ROBO2: variants seen among roughly 807,000 people sequenced by gnomAD.
ROBO2 encodes roundabout guidance receptor 2, also known as roundabout homolog 2.
Under a neutral mutation model 160.8 loss-of-function variants are expected in ROBO2, and 53 were observed. The observed-to-expected ratio is 0.33, with a 90% CI of 0.26 to 0.41. ROBO2 has a LOEUF of 0.41. Ranked by LOEUF, ROBO2 falls within the 10% of genes least tolerant of loss-of-function variation. The probability of loss-of-function intolerance (pLI) is 1.00; values close to 1 mark genes in which losing one functional copy is unlikely to be tolerated. For synonymous variants in ROBO2, 664 were observed against 611.7 expected (o/e 1.09, Z -1.26); for missense variants, 1,577 against 1,722.4 (o/e 0.92, Z 1.49).
At chr3:76,010,314 A>G (rs2066157582) in intron 2 of ROBO2, among the ~76,000 whole-genome samples, 1 of 152,222 alleles carries the variant, frequency 6.6e-6, no homozygotes, top group Admixed American at 6.5e-5. Context: ...ATATGCAGCA[A>G]TAGTGGTTAT....
intron 2 of ROBO2, among the ~76,000 whole-genome samples, chr3:77,316,090 G>A (rs757594656): frequency 2.6e-5 from 4 of 152,104 alleles, no homozygotes; most frequent in African/African-American, 4.8e-5. Flanking sequence ...TTACAATCAC[G>A]CAGACTCTTC....
chr3:76,111,069 T>C (rs2070207378), intron 2 of ROBO2, among the ~76,000 whole-genome samples: 1 of 152,142 alleles, frequency 6.6e-6, no homozygotes, highest in South Asian at 2.1e-4. Flanking sequence ...CTTAAAATGT[T>C]ACCATATTTG....
intron 3 of ROBO2, among the ~76,000 whole-genome samples, chr3:77,478,048 A>G (rs1361120801): frequency 1.3e-5 from 2 of 151,902 alleles, no homozygotes; most frequent in African/African-American, 4.8e-5. Context: ...GATGGTCTCC[A>G]TCTCTTGACC....
At chr3:77,571,060 G>GATT (rs1277232484) in intron 13 of ROBO2, among the ~76,000 whole-genome samples, 2 of 151,982 alleles carry the variant, frequency 1.3e-5, no homozygotes, top group Non-Finnish European at 2.9e-5. Context: ...ACCGAAAAAT[G>GATT]ATTATTCTAG....
At chr3:77,557,426 T>G (rs545822339) in intron 8 of ROBO2, among the ~76,000 whole-genome samples, 3 of 152,058 alleles carry the variant, frequency 2.0e-5, no homozygotes, top group Admixed American at 2.0e-4. Context: ...TCAGCAGAAA[T>G]ATTTTAGCCT....
intron 2 of ROBO2, among the ~76,000 whole-genome samples, chr3:76,032,615 T>C (rs1329190374): frequency 3.9e-5 from 6 of 152,232 alleles, no homozygotes; most frequent in African/African-American, 1.2e-4. Context: ...TTGTTATTTT[T>C]CCAGTAGTCA....
At chr3:75,987,006 A>T (rs1208506693) in intron 2 of ROBO2, among the ~76,000 whole-genome samples, 1 of 151,726 alleles carries the variant, frequency 6.6e-6, no homozygotes, top group Non-Finnish European at 1.5e-5. Context: ...AGGGAGTGTG[A>T]GTTCTGCAGC....
rs1377250171 is a variant in ROBO2, at chr3:76,357,737, T to A, written c.109+420135T>A. Among the ~76,000 whole-genome samples, 18 of 151,938 alleles carry A rather than the reference T, an allele frequency of 1.2e-4. 1 individual carries two copies. Among genetic ancestry groups the A allele is most frequent in the Admixed American group, 1.1e-3 (17 of 15,204 alleles). On this transcript the variant is annotated intron_variant, in intron 2 of 26. Coordinates refer to the ROBO2 transcript ENST00000487694. Reference sequence around the variant, plus strand: ...CATTGGGATCTACCCAAAAGCCAGCTACATTAGTAAGTTGCAGGATAAACA... The same window carrying A: ...CATTGGGATCTACCCAAAAGCCAGCAACATTAGTAAGTTGCAGGATAAACA...
chr3:77,497,271 G>A (rs1343009247), intron 5 of ROBO2, among the ~76,000 whole-genome samples: 1 of 152,086 alleles, frequency 6.6e-6, no homozygotes, highest in East Asian at 1.9e-4. Context: ...ATATGTGTTA[G>A]GGACAAAAAT....
chr3:77,619,645 A>G (rs1463821813), intron 22 of ROBO2, among the ~76,000 whole-genome samples: 2 of 152,050 alleles, frequency 1.3e-5, no homozygotes, highest in Non-Finnish European at 2.9e-5. Flanking sequence ...GACTACCCAT[A>G]TGGCTGACCT....
chr3:75,955,572 A>T (rs923085497), intron 2 of ROBO2, among the ~76,000 whole-genome samples: 13 of 151,722 alleles, frequency 8.6e-5, no homozygotes, highest in Non-Finnish European at 1.9e-4. Context: ...AACATGGCAC[A>T]TGTATACATA....
exon 26 of ROBO2, chr3:77,646,737 C>T (rs544775615): frequency 8.5e-5 from 13 of 152,314 alleles, no homozygotes; most frequent in African/African-American, 3.1e-4. Flanking sequence ...GTGGCTTTTA[C>T]TATTGACAAA....
At chr3:76,338,832 T>G (rs1462176373) in intron 2 of ROBO2, among the ~76,000 whole-genome samples, 1 of 151,814 alleles carries the variant, frequency 6.6e-6, no homozygotes, top group Non-Finnish European at 1.5e-5. Flanking sequence ...CACTGTGTCT[T>G]TCTAAAATCT....
chr3:76,951,316 C>G lies in ROBO2; in HGVS notation c.110-146698C>G, dbSNP rs568492907. Among the ~76,000 whole-genome samples, 256 of 152,328 alleles carry G rather than the reference C, an allele frequency of 1.7e-3. 1 individual carries two copies. The highest frequency in any genetic ancestry group is 5.2e-3 in the African/African-American group (217 of 41,586). ...TCTTTTCTGTGTGTGAACAAACACT[C>G]TGGTTATAACATCTTCTATCTAACG... On this transcript the variant is annotated intron_variant, in intron 2 of 26. Coordinates refer to the ROBO2 transcript ENST00000487694.
At chr3:77,566,556 T>C (rs960369449) in intron 12 of ROBO2, among the ~76,000 whole-genome samples, 3 of 152,108 alleles carry the variant, frequency 2.0e-5, no homozygotes, top group Non-Finnish European at 4.4e-5. Context: ...TTTTTGTGTG[T>C]AGCCAGTGAA....
At chr3:76,568,734 GTAC>G (rs956791326) in intron 2 of ROBO2, among the ~76,000 whole-genome samples, 1 of 152,034 alleles carries the variant, frequency 6.6e-6, no homozygotes, top group Non-Finnish European at 1.5e-5. Context: ...GAGATATATT[GTAC>G]CTTATTTATT....
At chr3:76,571,509 G>A (rs2084956289) in intron 2 of ROBO2, among the ~76,000 whole-genome samples, 1 of 152,006 alleles carries the variant, frequency 6.6e-6, no homozygotes, top group African/African-American at 2.4e-5. Flanking sequence ...TCATGAGATA[G>A]AATTATCAAA....
intron 2 of ROBO2, among the ~76,000 whole-genome samples, chr3:76,609,829 A>C (rs1051707267): frequency 6.6e-6 from 1 of 152,160 alleles, no homozygotes; most frequent in Non-Finnish European, 1.5e-5. Context: ...TTTATTTCTC[A>C]TTCAGTATGA....
rs149126486 is a variant in ROBO2 at position 77,219,126 on chromosome 3, G to A, written c.388+120786G>A. ...TGGGATTACAGGTGCCTACCAGCACGCCCCGCTAATTTTTGTATTTTTAGT... is the reference window on the plus strand; with the variant it reads ...TGGGATTACAGGTGCCTACCAGCACACCCCGCTAATTTTTGTATTTTTAGT... On this transcript the variant is annotated intron_variant, in intron 2 of 25. Coordinates refer to ENST00000461745, the Ensembl canonical transcript of ROBO2. Among the ~76,000 whole-genome samples, 399 of 151,688 alleles carry A rather than the reference G, an allele frequency of 2.6e-3. 3 individuals carry two copies. The highest frequency in any genetic ancestry group is 9.3e-3 in the African/African-American group (385 of 41,366).
Sources: allele counts gnomAD v4.1 joint callset (sites outside exome capture counted in the v4.1 genomes callset), GRCh38; gene constraint gnomAD v4.1.1; transcripts MANE v1.5; gene names NCBI Gene and HGNC (gene_info 2026-07-23, HGNC 2026-07-21).